The following PIDD1 variants were observed in gnomAD, a reference collection of about 807,000 sequenced individuals.
PIDD1 encodes the protein p53-induced death domain-containing protein 1.
PIDD1 carries 72 observed loss-of-function variants against 80.0 expected under a neutral mutation model. The ratio of observed to expected loss-of-function variants is 0.90; its 90% confidence interval spans 0.74 to 1.09. The LOEUF (loss-of-function observed/expected upper bound fraction) is 1.09. Ranked by LOEUF, PIDD1 falls within the 50% of genes least tolerant of loss-of-function variation. The pLI is 0.00. For synonymous variants in PIDD1, 655 were observed against 543.5 expected (o/e 1.21, Z -2.85); for missense variants, 1,329 against 1,228.3 (o/e 1.08, Z -1.23).
intron 15 of PIDD1, 107 bp downstream of exon 15, chr11:799,708 C>T: frequency 7.3e-7 from 1 of 1,371,798 alleles, no homozygotes; most frequent in Non-Finnish European, 9.7e-7. Context: ...GGTGTTTGCC[C>T]TTCCCCCACC....
In PIDD1 at chr11:803,488, A is replaced by G; in HGVS notation, c.395T>C (p.Leu132Pro). ...SGLAHLAHLD[L>P]SFNSLETLPA... Reference sequence around the variant, plus strand: ...CAGTGTCTCCAGGCTGTTGAAGCTCAGGTCCAGGTGGGCCAGATGGGCCAG... The same window carrying G: ...CAGTGTCTCCAGGCTGTTGAAGCTCGGGTCCAGGTGGGCCAGATGGGCCAG... The change falls in exon 3 of 16, where the codon CTG becomes CCG. Residue 132 changes from leucine (L) to proline (P), a missense_variant. By Grantham distance (98) the Leu-to-Pro change is moderately conservative. Transcript: ENST00000347755. The G allele has an allele frequency of 6.2e-7, 1 of 1,611,588 alleles. No homozygotes were observed. Among genetic ancestry groups the G allele is most frequent in the Non-Finnish European group, 8.5e-7 (1 of 1,178,200 alleles).
In PIDD1 at chr11:804,255, C is replaced by T; in HGVS notation, c.134G>A (p.Gly45Glu). Reference protein sequence around the residue: ...GNRLSLDLYPGGCQQLLHLCV... With the variant: ...GNRLSLDLYPEGCQQLLHLCV... ...CAGGTGCAGCAGCTGCTGGCAGCCC[C>T]CGGGGTACAGGTCCAAGCTCAGCCG... Residue 45 changes from glycine to glutamate, a missense_variant, in exon 2 of 16, where the codon GGG becomes GAG. Gly to Glu is a moderately conservative substitution (Grantham distance 98). Coordinates refer to ENST00000347755, the MANE Select transcript of PIDD1 (RefSeq NM_145886.4). 6.2e-7 allele frequency: 1 copy of T among 1,613,086 alleles called. No homozygotes were observed. The highest frequency in any genetic ancestry group is 8.5e-7 in the Non-Finnish European group (1 of 1,179,998).
rs1402420927 is a variant in PIDD1 at position 800,243 on chromosome 11, A to C, written c.2162T>G (p.Val721Gly). 1.1e-5 allele frequency: 17 copies of C among 1,610,172 alleles called. No homozygotes were observed. Among genetic ancestry groups the C allele is most frequent in the Non-Finnish European group, 1.4e-5 (16 of 1,178,600 alleles). The change falls in exon 14 of 16, where the codon GTG (valine) becomes GGG (glycine). Residue 721 changes from valine (V) to glycine (G), a missense_variant and splice_region_variant. By Grantham distance (109) the Val-to-Gly change is moderately radical. Transcript: ENST00000347755. ...AGGCACCGCGCCACGGTAGAAGGACACCTGAAGGGGCATCGAATGGGGTTC... is the reference window on the plus strand; with the variant it reads ...AGGCACCGCGCCACGGTAGAAGGACCCCTGAAGGGGCATCGAATGGGGTTC... ...DREAQAVRGQ[V>G]SFYRGAVPVR...
At chr11:802,429 C>T (rs370256547) in intron 5 of PIDD1, 33 bp from the exon 6 acceptor site, 3 of 1,601,834 alleles carry the variant, frequency 1.9e-6, no homozygotes, top group Middle Eastern at 1.8e-4. Context: ...ACAGGTTAGA[C>T]CCAGAAGGGC....
rs541360507 is a variant in PIDD1 at position 804,682 on chromosome 11, G to T, written c.-75-219C>A. 9.6e-6 allele frequency: 4 copies of T among 417,122 alleles called. No individual in the cohort carries two copies. In the Admixed American group the frequency reaches 1.3e-4, roughly 13 times the overall value. 25.8% of individuals were successfully genotyped at this position (417,122 alleles called of 1,614,324 possible). Reference sequence around the variant, plus strand: ...CCGCCATGGCTCGCAGGAGCACCGGGCAGGGAGACCTCGCTATGAGCAGCA... The same window carrying T: ...CCGCCATGGCTCGCAGGAGCACCGGTCAGGGAGACCTCGCTATGAGCAGCA... On this transcript the variant is annotated intron_variant, in intron 1 of 15. Transcript: ENST00000347755.
intron 4 of PIDD1, 28 bp downstream of exon 4, chr11:802,654 G>A (rs749961018): frequency 9.3e-6 from 15 of 1,607,140 alleles, no homozygotes; most frequent in African/African-American, 1.3e-5. Flanking sequence ...TCCTATCCCA[G>A]GTCTGCCCCT....
At position 799,950 on chromosome 11, in the gene PIDD1, C is replaced by G. The variant is rs1865110842; in HGVS notation, c.2339G>C (p.Gly780Ala). Reference sequence around the variant, plus strand: ...CGTCAGAAAGCCGGTCTCGGCATCTCCCAGATTCAAGGGTGCCAAGGAGAG... The same window carrying G: ...CGTCAGAAAGCCGGTCTCGGCATCTGCCAGATTCAAGGGTGCCAAGGAGAG... ...AGLSLAPLNL[G>A]DAETGFLTQS... is the part of the protein sequence containing the mutation. Residue 780 changes from glycine (G) to alanine (A), a missense_variant, in exon 15 of 16, where the codon GGA becomes GCA. By Grantham distance (60) the Gly-to-Ala change is moderately conservative. Coordinates refer to ENST00000347755, the MANE Select transcript of PIDD1 (RefSeq NM_145886.4). 2 of 1,612,728 alleles carry G rather than the reference C, an allele frequency of 1.2e-6. No homozygotes were observed. The highest frequency in any genetic ancestry group is 1.3e-5 in the African/African-American group (1 of 74,940).
At position 804,140 on chromosome 11, in the gene PIDD1, G is replaced by C; in HGVS notation, c.249C>G (p.Ala83=). The part of the protein sequence containing the change: ...EDPQLLEATL[A]QLPQSLSCLR... The stretch of plus-strand genomic sequence containing the variant: ...GGCAGGACAGGCTCTGAGGCAGCTG[G>C]GCCAGGGTGGCCTCCAGCAGCTGAG... The change falls in exon 2 of 16, where the codon GCC becomes GCG. Residue 83 remains alanine, a synonymous_variant. Transcript: ENST00000347755. 6.2e-7 allele frequency: 1 copy of C among 1,613,258 alleles called. No homozygotes were observed. Among genetic ancestry groups the C allele is most frequent in the Non-Finnish European group, 8.5e-7 (1 of 1,179,784 alleles).
At position 802,384 on chromosome 11, in the gene PIDD1, G is replaced by A. The variant is rs780358466; in HGVS notation, c.987C>T (p.Thr329=). The A allele has an allele frequency of 3.1e-6, 5 of 1,611,890 alleles. No individual in the cohort carries two copies. The highest frequency in any genetic ancestry group is 4.2e-6 in the Non-Finnish European group (5 of 1,179,770). ...CCAGGGTCACTGAGCAGCCTTGAGG[G>A]GTCACAGGAAAGCTGAGTGAGGAAG... ...LTSDLDSFPV[T]PQGCSVTLAC... is the part of the protein sequence containing the mutation. Residue 329 remains threonine (T), a synonymous_variant, in exon 6 of 16, where the codon ACC becomes ACT. Coordinates refer to ENST00000347755, the MANE Select transcript of PIDD1 (RefSeq NM_145886.4).
chr11:807,908 T>G (rs1260843832), upstream of PIDD1, among the ~76,000 whole-genome samples: 1 of 152,238 alleles, frequency 6.6e-6, no homozygotes, highest in Non-Finnish European at 1.5e-5. Context: ...GTATTTATAT[T>G]AAATTTGTCT....
intron 7 of PIDD1, 165 bp from the exon 8 acceptor site, chr11:801,789 A>G (rs1475498236): frequency 3.4e-6 from 3 of 887,138 alleles, no homozygotes; most frequent in Admixed American, 2.3e-5. Context: ...CCAGGGACAC[A>G]GGGAAGCAGG....
chr11:800,302 G>C (rs201951386), intron 13 of PIDD1, 31 bp downstream of exon 13: 41 of 1,612,498 alleles, frequency 2.5e-5, no homozygotes, highest in Non-Finnish European at 3.5e-5. Context: ...GGCCTGGGGG[G>C]CCTCTCCCCT....
intron 2 of PIDD1, 144 bp downstream of exon 2, chr11:803,950 C>A: frequency 1.1e-6 from 1 of 918,278 alleles, no homozygotes; most frequent in South Asian, 1.8e-5. Flanking sequence ...CTGGACAGGA[C>A]CAAGAGCAGA....
At position 803,327 on chromosome 11, in the gene PIDD1, G is replaced by T; in HGVS notation, c.556C>A (p.Leu186Met). 6.2e-7 allele frequency: 1 copy of T among 1,613,994 alleles called. No homozygotes were observed. Among genetic ancestry groups the T allele is most frequent in the Admixed American group, 1.7e-5 (1 of 60,026 alleles). ...LTVTHNRLQT[L>M]PPALGALSTL... ...GATAGGGCCCCCAGTGCTGGGGGCA[G>T]CGTCTGCAGGCGGTTGTGTGTCACT... Residue 186 changes from leucine to methionine, a missense_variant, in exon 3 of 16, where the codon CTG (leucine) becomes ATG (methionine). Transcript: ENST00000347755.
At position 802,049 on chromosome 11, in the gene PIDD1, C is replaced by CCGGGCCTGCGGTGGGGTGAAGAGCAGCCA. The variant is rs1865387013; in HGVS notation, c.1189_1217dup (p.Arg407GlyfsTer118). On this transcript the variant is annotated frameshift_variant, in exon 7 of 16. Transcript: ENST00000347755. LOFTEE classifies it high-confidence loss of function. The stretch of plus-strand genomic sequence containing the variant: ...TCCTGACCACCACTTCACGGCAGCG[C>CCGGGCCTGCGGTGGGGTGAAGAGCAGCCA]CGGGCCTGCGGTGGGGTGAAGAGCA... The CCGGGCCTGCGGTGGGGTGAAGAGCAGCCA allele has an allele frequency of 1.3e-6, 2 of 1,588,648 alleles. No homozygotes were observed. The highest frequency in any genetic ancestry group is 3.6e-5 in the Admixed American group (2 of 56,168).
chr11:801,668 C>A (rs1442271813), intron 7 of PIDD1, 44 bp from the exon 8 acceptor site: 20 of 1,486,014 alleles, frequency 1.3e-5, no homozygotes, highest in Non-Finnish European at 1.7e-5. Flanking sequence ...TGGGTCAGGG[C>A]ACAGCCAGTC....
In PIDD1 at chr11:803,227, A is replaced by G; in HGVS notation, c.656T>C (p.Leu219Pro). The change falls in exon 3 of 16, where the codon CTC becomes CCC. Residue 219 changes from leucine to proline, a missense_variant. Coordinates refer to ENST00000347755, the MANE Select transcript of PIDD1 (RefSeq NM_145886.4). ...LPPEIGGLGS[L>P]LELNLASNRL... ...GTTGGAGGCCAGGTTGAGCTCCAGG[A>G]GGCTGCCCAGGCCTCCAATCTCAGG... 5.0e-6 allele frequency: 8 copies of G among 1,612,268 alleles called. No individual in the cohort carries two copies. Among genetic ancestry groups the G allele is most frequent in the Non-Finnish European group, 6.8e-6 (8 of 1,179,846 alleles).
chr11:800,507 C>T (rs773686552), intron 12 of PIDD1, 36 bp downstream of exon 12: 1 of 1,609,864 alleles, frequency 6.2e-7, no homozygotes, highest in Non-Finnish European at 8.5e-7. Context: ...GTAAGGCTCC[C>T]CCTCCAGGGC....
rs534903328 is a variant in PIDD1, at chr11:799,943, G to C, written c.2346C>G (p.Ala782=). The C allele has an allele frequency of 6.2e-7, 1 of 1,612,676 alleles. No individual in the cohort carries two copies. Among genetic ancestry groups the C allele is most frequent in the Admixed American group, 1.7e-5 (1 of 60,004 alleles). Residue 782 remains alanine, a synonymous_variant, in exon 15 of 16, where the codon GCC becomes GCG. Coordinates refer to ENST00000347755, the MANE Select transcript of PIDD1 (RefSeq NM_145886.4). The part of the protein sequence containing the change: ...LSLAPLNLGD[A]ETGFLTQSNL... ...TGCTCTGCGTCAGAAAGCCGGTCTC[G>C]GCATCTCCCAGATTCAAGGGTGCCA...
Sources: gnomAD v4.1 joint callset for allele counts (sites outside exome capture counted in the v4.1 genomes callset) on GRCh38, gnomAD v4.1.1 for gene constraint, MANE v1.5 for transcripts, NCBI Gene and HGNC (gene_info 2026-07-23, HGNC 2026-07-21) for gene names.